Variants in CHST15 observed in about 807,000 individuals in gnomAD.
The protein encoded by CHST15 is carbohydrate sulfotransferase 15, also known as B cell RAG associated protein (GALNAC4S-6ST).
A neutral mutation model predicts 53.6 loss-of-function variants in CHST15; 30 were observed. The ratio of observed to expected loss-of-function variants is 0.56; its 90% confidence interval spans 0.42 to 0.76. The LOEUF (loss-of-function observed/expected upper bound fraction) is 0.76, where lower values mean the gene tolerates loss of function less well. Ranked by LOEUF, CHST15 falls within the 30% of genes least tolerant of loss-of-function variation. CHST15 has a pLI of 0.00. For synonymous variants in CHST15, 296 were observed against 289.8 expected, an observed-to-expected ratio of 1.02 and a Z score of -0.22; for missense variants, 627 against 740.5, an observed-to-expected ratio of 0.85 and a Z score of 1.78.
chr10:124,063,524 T>G (rs1948658911), intron 1 of CHST15, among the ~76,000 whole-genome samples: 1 of 152,192 alleles, frequency 6.6e-6, no homozygotes, highest in Admixed American at 6.5e-5. Flanking sequence ...AAACAAGTAT[T>G]TATTTATAGA....
intron 1 of CHST15, among the ~76,000 whole-genome samples, chr10:124,060,732 GA>G (rs1948545731): frequency 6.6e-6 from 1 of 152,190 alleles, no homozygotes; most frequent in Non-Finnish European, 1.5e-5. Flanking sequence ...TTCAAACATT[GA>G]AAACATTGTT....
chr10:124,072,451 G>A (rs527413756), intron 1 of CHST15, among the ~76,000 whole-genome samples: 66 of 152,222 alleles, frequency 4.3e-4, no homozygotes, highest in Non-Finnish European at 7.4e-4. Flanking sequence ...TTTGGCACAG[G>A]GAAAGCTCTT....
rs756633296 is a variant in CHST15, at chr10:124,045,838, G to A, written c.375C>T (p.Ser125=). 1.2e-5 allele frequency: 20 copies of A among 1,613,828 alleles called. No homozygotes were observed. Among genetic ancestry groups the A allele is most frequent in the East Asian group, 4.5e-5 (2 of 44,884 alleles). The part of the protein sequence containing the change: ...GFPSNPSLMD[S]ENPSDTKEHH... ...GCTCCTTTGTGTCACTTGGGTTTTC[G>A]CTGTCCATCAAGCTGGGGTTGCTGG... The change falls in exon 2 of 8, where the codon AGC becomes AGT. Residue 125 remains serine, a synonymous_variant. Coordinates refer to ENST00000435907, the MANE Select transcript of CHST15 (RefSeq NM_001270764.2).
At chr10:124,013,082 T>A (rs567601153) in intron 6 of CHST15, among the ~76,000 whole-genome samples, 1 of 152,218 alleles carries the variant, frequency 6.6e-6, no homozygotes, top group Non-Finnish European at 1.5e-5. Flanking sequence ...CTCTCGTGCC[T>A]TACTGCAAGC....
At chr10:124,067,741 C>T (rs944201710) in intron 1 of CHST15, among the ~76,000 whole-genome samples, 3 of 152,168 alleles carry the variant, frequency 2.0e-5, no homozygotes, top group African/African-American at 7.2e-5. Flanking sequence ...CTCAGCCTCC[C>T]AAATAGCTGG....
intron 1 of CHST15, among the ~76,000 whole-genome samples, chr10:124,058,313 A>T (rs1422958233): frequency 6.6e-6 from 1 of 152,208 alleles, no homozygotes; most frequent in Non-Finnish European, 1.5e-5. Flanking sequence ...GCAAAAGAAG[A>T]AGGAAATGCC....
In CHST15 at chr10:124,046,125, C is replaced by G. The variant is rs150299035; in HGVS notation, c.88G>C (p.Gly30Arg). Residue 30 changes from glycine (G) to arginine (R), a missense_variant, in exon 2 of 8, where the codon GGT becomes CGT. This residue lies in a region of CHST15 where 187 missense variants were observed against 251.8 expected (regional missense o/e 0.74). Coordinates refer to ENST00000435907, the MANE Select transcript of CHST15 (RefSeq NM_001270764.2). ...TTGCACGTGGGGCACGCCTGGTGAC[C>G]GTGATGGGGGCCCCCTTGGCAGTTG... ...QVNCQGGPHH[G>R]HQACPTCKGE... 1.9e-6 allele frequency: 3 copies of G among 1,614,078 alleles called. No individual in the cohort carries two copies. The highest frequency in any genetic ancestry group is 2.2e-5 in the East Asian group (1 of 44,896).
chr10:124,008,406 C>A lies in CHST15; in HGVS notation c.*1743G>T. 3.0e-6 allele frequency: 3 copies of A among 998,334 alleles called. No homozygotes were observed. Among genetic ancestry groups the A allele is most frequent in the Non-Finnish European group, 3.6e-6 (3 of 838,214 alleles). 61.8% of individuals were successfully genotyped at this position (998,334 alleles called of 1,614,324 possible). On this transcript the variant is annotated 3_prime_UTR_variant, in exon 8 of 8. Transcript: ENST00000435907. ...ATATACACACACACTGAAGTGATCT[C>A]TCCCTAAAGCATCCTTGTGCTCAGG...
intron 1 of CHST15, among the ~76,000 whole-genome samples, chr10:124,062,408 G>A (rs1003937115): frequency 5.3e-5 from 8 of 152,190 alleles, no homozygotes; most frequent in African/African-American, 1.9e-4. Flanking sequence ...ATCCACACGT[G>A]CCATCTGGTT....
chr10:124,060,681 G>A (rs1246588049), intron 1 of CHST15, among the ~76,000 whole-genome samples: 1 of 152,230 alleles, frequency 6.6e-6, no homozygotes, highest in Non-Finnish European at 1.5e-5. Context: ...GTATGAAGCT[G>A]TAAGACAAAC....
chr10:124,036,707 A>G lies in CHST15; in HGVS notation c.1190+1808T>C, dbSNP rs910389227. ...ACTTATTTGCATAGAAAAGTCTGGA[A>G]GAAAATACACCAAAACATAAATAGT... is the stretch of plus-strand genomic sequence containing the variant. On this transcript the variant is annotated intron_variant, in intron 5 of 7. Transcript: ENST00000435907. This position sits in a 1 kb window ranked among gnomAD's most constrained non-coding sequence, Gnocchi z 5.1. Among the ~76,000 whole-genome samples the G allele has an allele frequency of 5.3e-5, 8 of 152,270 alleles. No homozygotes were observed. The highest frequency in any genetic ancestry group is 1.9e-4 in the African/African-American group (8 of 41,472).
In CHST15 at chr10:124,077,802, C is replaced by T. The variant is rs188765752; in HGVS notation, c.-513+15667G>A. On this transcript the variant is annotated intron_variant, in intron 1 of 7. Transcript: ENST00000435907. ...GAGCCTGAGCAGCTCGCACAGTCCT[C>T]TGGTTATTACGAGCCTCACTCGGCT... Among the ~76,000 whole-genome samples the T allele has an allele frequency of 2.1e-3, 319 of 152,352 alleles. 3 individuals are homozygous for T. Among genetic ancestry groups the T allele is most frequent in the African/African-American group, 7.4e-3 (308 of 41,582 alleles).
chr10:124,068,341 A>T (rs577099107), intron 1 of CHST15, among the ~76,000 whole-genome samples: 89 of 152,322 alleles, frequency 5.8e-4, no homozygotes, highest in Admixed American at 3.1e-3. Flanking sequence ...GACAATATGT[A>T]GTCTAATGGA....
intron 1 of CHST15, among the ~76,000 whole-genome samples, chr10:124,076,058 C>G (rs1199225750): frequency 6.6e-6 from 1 of 152,144 alleles, no homozygotes; most frequent in Non-Finnish European, 1.5e-5. Context: ...GGGAGGACAT[C>G]AGGGATGAAA....
At chr10:124,040,860 A>G (rs1947705276) in intron 4 of CHST15, among the ~76,000 whole-genome samples, 1 of 152,250 alleles carries the variant, frequency 6.6e-6, no homozygotes. Flanking sequence ...TCTTTTTAAA[A>G]TCTTGGAGCA....
At chr10:124,010,470 A>C in intron 7 of CHST15, 131 bp from the exon 8 acceptor site, 1 of 1,410,558 alleles carries the variant, frequency 7.1e-7, no homozygotes, top group South Asian at 1.6e-5. Context: ...TAGGGATTAA[A>C]ATTCTTTGGC....
chr10:124,012,085 A>G (rs1564846455), intron 7 of CHST15, among the ~76,000 whole-genome samples: 1 of 152,134 alleles, frequency 6.6e-6, no homozygotes, highest in Non-Finnish European at 1.5e-5. Flanking sequence ...TCACTAGACC[A>G]TAAGCTCCCA....
intron 5 of CHST15, among the ~76,000 whole-genome samples, chr10:124,033,779 A>T (rs1271832089): frequency 2.0e-5 from 3 of 152,160 alleles, no homozygotes; most frequent in African/African-American, 7.2e-5. Context: ...TGCGCTTGGG[A>T]GCAGGTCCTT....
At chr10:124,066,185 A>T (rs1022241008) in intron 1 of CHST15, among the ~76,000 whole-genome samples, 1 of 152,042 alleles carries the variant, frequency 6.6e-6, no homozygotes, top group Non-Finnish European at 1.5e-5. Flanking sequence ...TTATGGGAGG[A>T]CTAGATTTGG....
Sources: allele counts gnomAD v4.1 joint callset (sites outside exome capture counted in the v4.1 genomes callset), GRCh38; gene constraint gnomAD v4.1.1; regional missense constraint gnomAD v4.1.1; non-coding constraint Gnocchi (gnomAD v3.1); transcripts MANE v1.5; gene names NCBI Gene and HGNC (gene_info 2026-07-23, HGNC 2026-07-21).